GNAI1: variants seen among roughly 807,000 people sequenced by gnomAD.
The protein encoded by GNAI1 is G protein subunit alpha i1.
Under a neutral mutation model 38.9 loss-of-function variants are expected in GNAI1, and 11 were observed. That is an observed-to-expected ratio of 0.28 (90% CI 0.18 to 0.47). GNAI1 has a LOEUF of 0.47. GNAI1 is among the 20% of genes least tolerant of loss of function. The pLI, the probability that GNAI1 is intolerant of heterozygous loss-of-function variation, is 0.99. For synonymous variants in GNAI1, 166 were observed against 145.1 expected (o/e 1.14, Z -1.04); for missense variants, 317 against 436.9 (o/e 0.73, Z 2.45).
At chr7:80,144,880 ACATT>A (rs1787591323) in intron 1 of GNAI1, among the ~76,000 whole-genome samples, 2 of 152,214 alleles carry the variant, frequency 1.3e-5, no homozygotes, top group African/African-American at 2.4e-5. Flanking sequence ...CAAACTGAGC[ACATT>A]CAATCAGCAA....
chr7:80,152,237 T>G (rs1280583531), intron 1 of GNAI1, among the ~76,000 whole-genome samples: 2 of 152,226 alleles, frequency 1.3e-5, no homozygotes, highest in African/African-American at 4.8e-5. Flanking sequence ...TCTTTCCTTA[T>G]GTTATTTCAT....
At chr7:80,169,311 G>A (rs1788063938) in intron 1 of GNAI1, among the ~76,000 whole-genome samples, 1 of 152,078 alleles carries the variant, frequency 6.6e-6, no homozygotes, top group Admixed American at 6.5e-5. Flanking sequence ...AGACTTATAG[G>A]CTAAAATTTC....
chr7:80,143,927 C>CATGT (rs1554346290), intron 1 of GNAI1, among the ~76,000 whole-genome samples: 20 of 151,422 alleles, frequency 1.3e-4, no homozygotes, highest in African/African-American at 4.9e-4. Flanking sequence ...TGTGTGCGCG[C>CATGT]GTGTGTGTAT....
chr7:80,162,971 T>G (rs1249678369), intron 1 of GNAI1, among the ~76,000 whole-genome samples: 1 of 152,152 alleles, frequency 6.6e-6, no homozygotes, highest in African/African-American at 2.4e-5. Flanking sequence ...AGTGTTTGCT[T>G]TAAAAAATAA....
intron 4 of GNAI1, among the ~76,000 whole-genome samples, 162 bp from the exon 5 acceptor site, chr7:80,203,542 A>C (rs1255177233): frequency 6.6e-6 from 1 of 152,192 alleles, no homozygotes; most frequent in African/African-American, 2.4e-5. Flanking sequence ...TTTGTAAGAT[A>C]AGATACAAGC....
chr7:80,149,693 A>G (rs766614789), intron 1 of GNAI1, among the ~76,000 whole-genome samples: 5 of 152,046 alleles, frequency 3.3e-5, no homozygotes, highest in Admixed American at 1.3e-4. Flanking sequence ...CCGCTTTCCC[A>G]TGTACTTTTT....
intron 1 of GNAI1, among the ~76,000 whole-genome samples, chr7:80,159,966 T>C (rs555346425): frequency 1.3e-5 from 2 of 152,302 alleles, no homozygotes; most frequent in Admixed American, 6.5e-5. Context: ...ACTGGTTATG[T>C]AGCAGTAACG....
intron 1 of GNAI1, among the ~76,000 whole-genome samples, chr7:80,138,897 A>G (rs997388557): frequency 1.8e-4 from 27 of 151,894 alleles, no homozygotes; most frequent in African/African-American, 6.0e-4. Context: ...TTTGGTGGAT[A>G]TTTTTCTATT....
At chr7:80,145,023 A>G (rs560653215) in intron 1 of GNAI1, among the ~76,000 whole-genome samples, 3 of 152,282 alleles carry the variant, frequency 2.0e-5, no homozygotes, top group East Asian at 1.9e-4. Flanking sequence ...GCCTCCATCA[A>G]TTCGTCCTCT....
Position 80,199,211 on chromosome 7 carries a change from C to T in GNAI1, c.304-14C>T, listed in dbSNP as rs923264446. On this transcript the variant is annotated splice_polypyrimidine_tract_variant and intron_variant, in intron 3 of 7. Transcript: ENST00000649796. ...TATCCCTTTTTACTTAAAAAATGTC[C>T]TTTGAATGTTCAGGATGATGCACGC... The T allele has an allele frequency of 2.5e-6, 4 of 1,569,858 alleles. No individual in the cohort carries two copies. Among genetic ancestry groups the T allele is most frequent in the Non-Finnish European group, 3.5e-6 (4 of 1,152,902 alleles).
intron 3 of GNAI1, among the ~76,000 whole-genome samples, chr7:80,197,046 A>G (rs1283700752): frequency 1.3e-5 from 2 of 151,738 alleles, no homozygotes; most frequent in Non-Finnish European, 3.0e-5. Flanking sequence ...TGTATCTGCT[A>G]CTTTGTATTC....
intron 5 of GNAI1, among the ~76,000 whole-genome samples, chr7:80,210,194 T>C (rs1424430219): frequency 6.6e-6 from 1 of 152,182 alleles, no homozygotes; most frequent in African/African-American, 2.4e-5. Flanking sequence ...TGCTTAACTT[T>C]ATAAAGTCTT....
chr7:80,217,192 A>C, intron 7 of GNAI1, 111 bp from the exon 8 acceptor site: 1 of 148,520 alleles, frequency 6.7e-6, no homozygotes, highest in East Asian at 3.2e-4. Flanking sequence ...GAGTCCATGA[A>C]TGAAACTGTA....
At chr7:80,181,837 A>C (rs1484329643) in intron 1 of GNAI1, among the ~76,000 whole-genome samples, 1 of 152,216 alleles carries the variant, frequency 6.6e-6, no homozygotes, top group Non-Finnish European at 1.5e-5. Context: ...TAATTAAGTC[A>C]GGCTAATTAA....
At chr7:80,171,700 A>G (rs565234841) in intron 1 of GNAI1, among the ~76,000 whole-genome samples, 5 of 152,126 alleles carry the variant, frequency 3.3e-5, no homozygotes, top group Admixed American at 6.6e-5. Flanking sequence ...TCCGGAACCA[A>G]ATTTGCTTCT....
In GNAI1 at chr7:80,221,534, A is replaced by G. The variant is rs1219527788; in HGVS notation, c.*4041A>G. Among the ~76,000 whole-genome samples the G allele has an allele frequency of 6.6e-6, 1 of 152,078 alleles. No individual in the cohort carries two copies. The highest frequency in any genetic ancestry group is 1.5e-5 in the Non-Finnish European group (1 of 68,010). ...GTGTCTCACATATTGATACTGGAAA[A>G]TGAGAAAATGCAATCTCTAATCAAC... On this transcript the variant is annotated 3_prime_UTR_variant, in exon 8 of 8. Coordinates refer to ENST00000649796, the MANE Select transcript of GNAI1 (RefSeq NM_002069.6).
intron 1 of GNAI1, among the ~76,000 whole-genome samples, chr7:80,149,599 A>T (rs1245001816): frequency 6.6e-6 from 1 of 152,056 alleles, no homozygotes; most frequent in Non-Finnish European, 1.5e-5. Context: ...CAGTAGAAGG[A>T]CTATATACTC....
chr7:80,187,349 G>A (rs1412644296), intron 1 of GNAI1: 3 of 152,054 alleles, frequency 2.0e-5, no homozygotes, highest in Non-Finnish European at 4.4e-5. Flanking sequence ...TACATTTCTG[G>A]TTGGTTGATT....
intron 1 of GNAI1, among the ~76,000 whole-genome samples, chr7:80,144,983 C>T (rs922663499): frequency 6.6e-6 from 1 of 152,090 alleles, no homozygotes; most frequent in African/African-American, 2.4e-5. Context: ...AGATGGTGCT[C>T]CTCTAATTCA....
Sources: gnomAD v4.1 joint callset for allele counts (sites outside exome capture counted in the v4.1 genomes callset) on GRCh38, gnomAD v4.1.1 for gene constraint, MANE v1.5 for transcripts, NCBI Gene and HGNC (gene_info 2026-07-23, HGNC 2026-07-21) for gene names.